The following ETFA variants were observed in gnomAD, a reference collection of about 807,000 sequenced individuals.
ETFA encodes the protein electron transfer flavoprotein subunit alpha.
Under a neutral mutation model 46.2 loss-of-function variants are expected in ETFA, and 22 were observed. That is an observed-to-expected ratio of 0.48 (90% CI 0.34 to 0.68). The LOEUF (loss-of-function observed/expected upper bound fraction) is 0.68. Ranked by LOEUF, ETFA falls within the 30% of genes least tolerant of loss-of-function variation. ETFA has a pLI of 0.01. For missense variants in ETFA, 345 were observed against 401.1 expected (o/e 0.86, Z 1.19); for synonymous variants, 131 against 139.9 (o/e 0.94, Z 0.45).
intron 10 of ETFA, chr15:76,230,875 AGATTGTGAGGG>A: frequency 6.0e-6 from 1 of 165,452 alleles, no homozygotes; most frequent in Non-Finnish European, 1.3e-5. Context: ...CTGATATATG[AGATTGTGAGGG>A]TTACAGGACC....
At chr15:76,308,611 A>G (rs543912294) in intron 1 of ETFA, among the ~76,000 whole-genome samples, 2 of 152,330 alleles carry the variant, frequency 1.3e-5, no homozygotes, top group South Asian at 2.1e-4. Context: ...ATCAAACCCA[A>G]AGGAAGGCTG....
chr15:76,248,430 A>T (rs529996301), intron 9 of ETFA, among the ~76,000 whole-genome samples: 51 of 152,330 alleles, frequency 3.3e-4, no homozygotes, highest in Admixed American at 7.8e-4. Flanking sequence ...CAAAATTTTT[A>T]AAACTTTTAG....
rs75167587 is a variant in ETFA at position 76,264,508 on chromosome 15, T to C, written c.816+9904A>G. On this transcript the variant is annotated intron_variant, in intron 9 of 11. Coordinates refer to ENST00000557943, the MANE Select transcript of ETFA (RefSeq NM_000126.4). ...GGGAAAAATATCCTTCTTTCAGTTG[T>C]CTGACAAGGACCTAAAGAACCATAT... Among the ~76,000 whole-genome samples, 660 of 152,304 alleles carry C rather than the reference T, an allele frequency of 4.3e-3. 6 individuals are homozygous for C. Among genetic ancestry groups the C allele is most frequent in the Non-Finnish European group, 6.9e-3 (470 of 68,020 alleles).
intron 9 of ETFA, among the ~76,000 whole-genome samples, chr15:76,253,360 T>C (rs546450275): frequency 1.3e-5 from 2 of 152,192 alleles, no homozygotes; most frequent in South Asian, 2.1e-4. Flanking sequence ...TTTTTTCAAA[T>C]TAATAAAATA....
At chr15:76,267,661 C>A (rs866182047) in intron 9 of ETFA, among the ~76,000 whole-genome samples, 7 of 152,096 alleles carry the variant, frequency 4.6e-5, no homozygotes, top group African/African-American at 1.4e-4. Context: ...AACTCACATA[C>A]AAAAGGGAGG....
At chr15:76,296,458 G>A (rs1344321340) in intron 1 of ETFA, among the ~76,000 whole-genome samples, 1 of 152,056 alleles carries the variant, frequency 6.6e-6, no homozygotes, top group Non-Finnish European at 1.5e-5. Context: ...GTTACATACT[G>A]TACTCCTACA....
chr15:76,225,842 A>G lies in ETFA; in HGVS notation c.963+7T>C. 6.3e-7 allele frequency: 1 copy of G among 1,580,018 alleles called. No individual in the cohort carries two copies. Among genetic ancestry groups the G allele is most frequent in the Non-Finnish European group, 8.7e-7 (1 of 1,148,984 alleles). ...GATAATAGCAATTTCTCTCAAGGCC[A>G]GCTTACCTTAAATAAATCTGCAACT... On this transcript the variant is annotated splice_region_variant and intron_variant, in intron 11 of 11. Coordinates refer to ENST00000557943, the MANE Select transcript of ETFA (RefSeq NM_000126.4).
At chr15:76,221,006 C>G (rs996188873) in intron 11 of ETFA, among the ~76,000 whole-genome samples, 2 of 152,172 alleles carry the variant, frequency 1.3e-5, no homozygotes, top group African/African-American at 4.8e-5. Flanking sequence ...AAACATAGGT[C>G]TGCACAAAAC....
At chr15:76,310,854 C>G (rs2039990166) in intron 1 of ETFA, among the ~76,000 whole-genome samples, 1 of 152,044 alleles carries the variant, frequency 6.6e-6, no homozygotes, top group Admixed American at 6.5e-5. Flanking sequence ...CACCCCACCC[C>G]ACCCCCGCCC....
intron 2 of ETFA, among the ~76,000 whole-genome samples, chr15:76,294,586 G>A (rs1057422780): frequency 2.0e-5 from 3 of 152,130 alleles, no homozygotes; most frequent in African/African-American, 7.2e-5. Flanking sequence ...GTCTCACTTT[G>A]TCACCCAGGC....
intron 9 of ETFA, among the ~76,000 whole-genome samples, chr15:76,272,410 C>T (rs185878681): frequency 2.0e-5 from 3 of 151,974 alleles, no homozygotes; most frequent in Admixed American, 6.6e-5. Context: ...TTAGTAGAGA[C>T]GGGGTTTCAC....
chr15:76,222,482 A>C (rs867731886), intron 11 of ETFA, among the ~76,000 whole-genome samples: 2 of 152,200 alleles, frequency 1.3e-5, no homozygotes, highest in Middle Eastern at 3.2e-3. Flanking sequence ...TTCACCTACA[A>C]TAAGCTCATT....
chr15:76,234,985 A>C (rs1033556047), intron 9 of ETFA, among the ~76,000 whole-genome samples: 1 of 152,198 alleles, frequency 6.6e-6, no homozygotes, highest in African/African-American at 2.4e-5. Flanking sequence ...ATGCGGTTTA[A>C]CAGGTTTACC....
chr15:76,217,668 T>C (rs774517340), intron 11 of ETFA: 19 of 453,406 alleles, frequency 4.2e-5, no homozygotes, highest in Non-Finnish European at 3.6e-5. Flanking sequence ...AGGAGAGCTG[T>C]CCAAGGGGGC....
chr15:76,309,525 G>A (rs1387727637), intron 1 of ETFA, among the ~76,000 whole-genome samples: 2 of 152,200 alleles, frequency 1.3e-5, no homozygotes, highest in Non-Finnish European at 2.9e-5. Context: ...AATAAGTCAA[G>A]GTCAAAGTCT....
intron 9 of ETFA, chr15:76,274,203 TTGAA>T: frequency 1.8e-6 from 1 of 566,640 alleles, no homozygotes; most frequent in Non-Finnish European, 3.2e-6. Flanking sequence ...TTTAAAATAC[TTGAA>T]TAATAAGCTG....
At chr15:76,268,820 C>T (rs930689751) in intron 9 of ETFA, among the ~76,000 whole-genome samples, 1 of 152,344 alleles carries the variant, frequency 6.6e-6, no homozygotes, top group Middle Eastern at 3.4e-3. Flanking sequence ...TTAAGAGCTG[C>T]ACAGCCTGCA....
chr15:76,232,925 C>T (rs537386850), intron 9 of ETFA, among the ~76,000 whole-genome samples: 2 of 152,314 alleles, frequency 1.3e-5, no homozygotes, highest in East Asian at 1.9e-4. Context: ...TCTTTACAAG[C>T]ATAAAGTGTC....
chr15:76,265,897 G>A (rs1329529556), intron 9 of ETFA, among the ~76,000 whole-genome samples: 1 of 152,172 alleles, frequency 6.6e-6, no homozygotes, highest in Non-Finnish European at 1.5e-5. Flanking sequence ...ATTTTTAGCA[G>A]TGGCCATTGT....
Sources: allele counts gnomAD v4.1 joint callset (sites outside exome capture counted in the v4.1 genomes callset), GRCh38; gene constraint gnomAD v4.1.1; transcripts MANE v1.5; gene names NCBI Gene and HGNC (gene_info 2026-07-23, HGNC 2026-07-21).